CNTN1: variants seen among roughly 807,000 people sequenced by gnomAD.
CNTN1 encodes the protein contactin 1, also known as contactin-1.
Under a neutral mutation model 126.4 loss-of-function variants are expected in CNTN1, and 38 were observed. That is an observed-to-expected ratio of 0.30 (90% confidence interval 0.23 to 0.39). The LOEUF (loss-of-function observed/expected upper bound fraction) is 0.39, where lower values mean the gene tolerates loss of function less well. Ranked by LOEUF, CNTN1 falls within the 10% of genes least tolerant of loss-of-function variation. The probability of loss-of-function intolerance (pLI) is 1.00; values close to 1 mark genes in which losing one functional copy is unlikely to be tolerated. For synonymous variants in CNTN1, 413 were observed against 422.6 expected, an observed-to-expected ratio of 0.98 and a Z score of 0.28; for missense variants, 1,009 against 1,248.4, an observed-to-expected ratio of 0.81 and a Z score of 2.89.
intron 1 of CNTN1, among the ~76,000 whole-genome samples, chr12:40,878,406 A>C (rs1225047655): frequency 6.6e-6 from 1 of 152,200 alleles, no homozygotes; most frequent in Non-Finnish European, 1.5e-5. Context: ...CATTTTACAA[A>C]GAGGGCAAAA....
At chr12:41,033,814 G>A (rs1391454346) in intron 23 of CNTN1, among the ~76,000 whole-genome samples, 2 of 151,584 alleles carry the variant, frequency 1.3e-5, no homozygotes, top group East Asian at 3.9e-4. Flanking sequence ...CGAGGCAAGC[G>A]GATCGCGAGG....
In CNTN1 at chr12:40,944,059, G is replaced by T. The variant is rs1212478742; in HGVS notation, c.1572G>T (p.Met524Ile). ...ADITVGENAT[M>I]QCAASFDPAL... is the part of the protein sequence containing the mutation. ...TCACAGTTGGAGAAAACGCCACCAT[G>T]CAGTGTGCTGCGTCCTTTGATCCTG... The change falls in exon 14 of 24, where the codon ATG (methionine) becomes ATT (isoleucine). Residue 524 changes from methionine (M) to isoleucine (I), a missense_variant. Met to Ile is a conservative substitution (Grantham distance 10). Coordinates refer to ENST00000551295, the MANE Select transcript of CNTN1 (RefSeq NM_001843.4). 2 of 1,613,518 alleles carry T rather than the reference G, an allele frequency of 1.2e-6. No homozygotes were observed. The highest frequency in any genetic ancestry group is 1.7e-6 in the Non-Finnish European group (2 of 1,179,634).
At chr12:40,933,655 T>C (rs1366521230) in intron 8 of CNTN1, 42 bp from the exon 9 acceptor site, 1 of 1,587,108 alleles carries the variant, frequency 6.3e-7, no homozygotes, top group South Asian at 1.1e-5. Flanking sequence ...TAATTGTCTT[T>C]TAAGTGTGTG....
chr12:40,812,138 C>A lies in CNTN1; in HGVS notation c.-76-96219C>A, dbSNP rs79652114. 9.4e-3 allele frequency among the ~76,000 whole-genome samples: 1,429 copies of A among 151,646 alleles called. 22 individuals carry two copies. Among genetic ancestry groups the A allele is most frequent in the African/African-American group, 0.033 (1,357 of 41,384 alleles). On this transcript the variant is annotated intron_variant, in intron 1 of 23. Transcript: ENST00000551295. ...TATTTTCAAAGTTATCTTTTGATTT[C>A]TTTGACTCATTGGTTATTCAGGAGC...
intron 19 of CNTN1, among the ~76,000 whole-genome samples, chr12:41,018,354 A>G (rs1288938218): frequency 6.6e-6 from 1 of 152,078 alleles, no homozygotes; most frequent in Non-Finnish European, 1.5e-5. Context: ...TTTCACTCCA[A>G]GATAGACATT....
In CNTN1 at chr12:40,896,642, G is replaced by A. The variant is rs1207612994; in HGVS notation, c.-76-11715G>A. Among the ~76,000 whole-genome samples, 3 of 152,194 alleles carry A rather than the reference G, an allele frequency of 2.0e-5. No homozygotes were observed. In the East Asian group the frequency reaches 5.8e-4, roughly 29 times the overall value. On this transcript the variant is annotated intron_variant, in intron 1 of 23. Transcript: ENST00000551295. ...ATCAGAAACACCAAATTTCGACAAAGAAAATACTTCTCCAAAATACTTTCT... is the reference window on the plus strand; with the variant it reads ...ATCAGAAACACCAAATTTCGACAAAAAAAATACTTCTCCAAAATACTTTCT...
rs746968797 is a variant in CNTN1, at chr12:41,070,470, A to T, written c.*435A>T. ...TATGTGGTAAATGTAAGAGTAATAC[A>T]GTCTCTTGTACTTTCCTCACTGTTT... On this transcript the variant is annotated 3_prime_UTR_variant, in exon 24 of 24. Transcript: ENST00000551295. 47 of 242,220 alleles carry T rather than the reference A, an allele frequency of 1.9e-4. No individual in the cohort carries two copies. Among genetic ancestry groups the T allele is most frequent in the Admixed American group, 1.0e-3 (20 of 19,530 alleles). 15.0% of individuals were successfully genotyped at this position (242,220 alleles called of 1,614,324 possible).
chr12:40,944,053 C>T lies in CNTN1; in HGVS notation c.1566C>T (p.Ala522=), dbSNP rs1335101578. The T allele has an allele frequency of 1.2e-6, 2 of 1,613,534 alleles. No individual in the cohort carries two copies. The highest frequency in any genetic ancestry group is 2.2e-5 in the South Asian group (2 of 91,066). The stretch of plus-strand genomic sequence containing the variant: ...CCGATATCACAGTTGGAGAAAACGC[C>T]ACCATGCAGTGTGCTGCGTCCTTTG... ...INADITVGEN[A]TMQCAASFDP... The change falls in exon 14 of 24, where the codon GCC becomes GCT. Residue 522 remains alanine (A), a synonymous_variant. Coordinates refer to ENST00000551295, the MANE Select transcript of CNTN1 (RefSeq NM_001843.4).
intron 1 of CNTN1, among the ~76,000 whole-genome samples, chr12:40,842,614 C>T (rs1942328729): frequency 6.6e-6 from 1 of 152,044 alleles, no homozygotes; most frequent in Non-Finnish European, 1.5e-5. Context: ...TCCTTCCTAT[C>T]TCTGTCAAGC....
intron 1 of CNTN1, among the ~76,000 whole-genome samples, chr12:40,821,218 G>A (rs1941431281): frequency 6.6e-6 from 1 of 152,202 alleles, no homozygotes; most frequent in Non-Finnish European, 1.5e-5. Context: ...TAAGTAGGAT[G>A]TAATTTTAAA....
chr12:40,757,564 T>C (rs7487223), intron 1 of CNTN1, among the ~76,000 whole-genome samples: 1 of 152,162 alleles, frequency 6.6e-6, no homozygotes, highest in African/African-American at 2.4e-5. Flanking sequence ...CTCACCAGTG[T>C]GTTAATGAAC....
intron 1 of CNTN1, among the ~76,000 whole-genome samples, chr12:40,798,717 C>A (rs769756103): frequency 1.1e-4 from 17 of 151,818 alleles, no homozygotes; most frequent in Non-Finnish European, 2.4e-4. Context: ...TAGAGGAGAA[C>A]AACAGACACT....
intron 14 of CNTN1, among the ~76,000 whole-genome samples, chr12:40,947,831 A>ATG (rs1268511988): frequency 6.9e-6 from 1 of 145,674 alleles, no homozygotes; most frequent in African/African-American, 2.6e-5. Flanking sequence ...ACACACACAT[A>ATG]TGTATTACTC....
intron 1 of CNTN1, among the ~76,000 whole-genome samples, chr12:40,809,849 C>CACACACACACACACAA (rs1306559063): frequency 2.8e-5 from 4 of 141,934 alleles, no homozygotes; most frequent in African/African-American, 1.0e-4. Context: ...CACACACACA[C>CACACACACACACACAA]AAAAGTCAAA....
intron 1 of CNTN1, among the ~76,000 whole-genome samples, chr12:40,714,985 T>C (rs1010168025): frequency 1.3e-5 from 2 of 152,132 alleles, no homozygotes; most frequent in African/African-American, 4.8e-5. Flanking sequence ...AAGAAAACTA[T>C]TTTGTAAGCA....
intron 23 of CNTN1, among the ~76,000 whole-genome samples, chr12:41,039,312 C>T (rs1015996061): frequency 1.3e-5 from 2 of 152,042 alleles, no homozygotes; most frequent in Non-Finnish European, 2.9e-5. Flanking sequence ...ATAGCTTTGA[C>T]TAGTGTACTA....
rs969673153 is a variant in CNTN1 at position 41,042,529 on chromosome 12, C to G, written c.2980+13310C>G. ...GTTGACAGTGGGGTGTTAAAGTCTC[C>G]CATTATTATTGTGTGGGAGTCTAAG... On this transcript the variant is annotated intron_variant, in intron 23 of 23. Transcript: ENST00000551295. 3.3e-5 allele frequency among the ~76,000 whole-genome samples: 5 copies of G among 151,864 alleles called. No homozygotes were observed. The East Asian group carries it at 9.7e-4, about 29-fold the overall frequency.
intron 3 of CNTN1, among the ~76,000 whole-genome samples, chr12:40,912,831 A>T (rs901064416): frequency 7.2e-5 from 11 of 152,202 alleles, no homozygotes; most frequent in African/African-American, 2.7e-4. Flanking sequence ...ACCTGTCTCT[A>T]TTTTGATCTA....
chr12:40,726,370 A>AT (rs1942351194), intron 1 of CNTN1, among the ~76,000 whole-genome samples: 1 of 152,220 alleles, frequency 6.6e-6, no homozygotes, highest in Non-Finnish European at 1.5e-5. Flanking sequence ...AAGAGGTTTC[A>AT]TTGACTCACA....
Sources: allele counts gnomAD v4.1 joint callset (sites outside exome capture counted in the v4.1 genomes callset), GRCh38; gene constraint gnomAD v4.1.1; transcripts MANE v1.5; gene names NCBI Gene and HGNC (gene_info 2026-07-23, HGNC 2026-07-21).